IMPG1: variants seen among roughly 807,000 people sequenced by gnomAD.
The protein encoded by IMPG1 is interphotoreceptor matrix proteoglycan of 150 kDa.
IMPG1 carries 85 observed loss-of-function variants against 92.0 expected under a neutral mutation model. That is an observed-to-expected ratio of 0.92 (90% CI 0.78 to 1.11). The LOEUF is 1.11. IMPG1 is among the 50% of genes least tolerant of loss of function. The pLI is 0.00. For synonymous variants in IMPG1, 367 were observed against 334.1 expected (o/e 1.10, Z -1.08); for missense variants, 1,022 against 956.0 (o/e 1.07, Z -0.91).
At chr6:75,966,268 A>C (rs1782306630) in intron 12 of IMPG1, among the ~76,000 whole-genome samples, 1 of 152,228 alleles carries the variant, frequency 6.6e-6, no homozygotes, top group South Asian at 2.1e-4. Flanking sequence ...ATTTATTAAA[A>C]AACATTATTA....
chr6:76,031,290 C>A (rs1205731060), intron 4 of IMPG1, among the ~76,000 whole-genome samples: 1 of 152,146 alleles, frequency 6.6e-6, no homozygotes. Context: ...TTCTGTGGCT[C>A]ATGATGATGG....
At chr6:75,999,857 A>G (rs148060196) in intron 12 of IMPG1, among the ~76,000 whole-genome samples, 4 of 152,390 alleles carry the variant, frequency 2.6e-5, no homozygotes, top group Non-Finnish European at 5.9e-5. Context: ...ATTCCTCTAA[A>G]TAATGCAAAA....
rs546559871 is a variant in IMPG1 at position 76,069,424 on chromosome 6, G to A, written c.67+2998C>T. 3.9e-5 allele frequency among the ~76,000 whole-genome samples: 6 copies of A among 152,094 alleles called. No homozygotes were observed. In the South Asian group the frequency reaches 1.2e-3, roughly 32 times the overall value. On this transcript the variant is annotated intron_variant, in intron 1 of 16. Coordinates refer to ENST00000369950, the MANE Select transcript of IMPG1 (RefSeq NM_001563.4). ...GTGCACAGTAAAAGAAATATTCAAC[G>A]GAGTAAATAGATATCACACAAAATG...
At chr6:75,955,615 G>A (rs1470714450) in intron 12 of IMPG1, among the ~76,000 whole-genome samples, 1 of 152,000 alleles carries the variant, frequency 6.6e-6, no homozygotes, top group Non-Finnish European at 1.5e-5. Context: ...TGATTGCCCT[G>A]GCCAGAACTT....
chr6:76,067,807 G>A (rs1575855), intron 1 of IMPG1, among the ~76,000 whole-genome samples: 44 of 151,956 alleles, frequency 2.9e-4, no homozygotes, highest in African/African-American at 9.7e-4. Flanking sequence ...GTAACAAATC[G>A]AATCCAACAG....
At chr6:75,925,996 G>A (rs979492061) in intron 15 of IMPG1, among the ~76,000 whole-genome samples, 6 of 152,104 alleles carry the variant, frequency 3.9e-5, no homozygotes, top group Non-Finnish European at 7.4e-5. Flanking sequence ...AGGAAGTTGA[G>A]TAACAAGTTC....
chr6:75,996,525 G>C lies in IMPG1; in HGVS notation c.1291+6393C>G, dbSNP rs369803066. 3.0e-4 allele frequency among the ~76,000 whole-genome samples: 46 copies of C among 152,294 alleles called. 1 individual carries two copies. The highest frequency in any genetic ancestry group is 1.0e-3 in the African/African-American group (42 of 41,564). On this transcript the variant is annotated intron_variant, in intron 12 of 16. Transcript: ENST00000369950. ...TATAATGTTGGAAAGAGATTAAACAGATCACTACTCTTCATAAAAACTGGA... is the reference window on the plus strand; with the variant it reads ...TATAATGTTGGAAAGAGATTAAACACATCACTACTCTTCATAAAAACTGGA...
intron 1 of IMPG1, among the ~76,000 whole-genome samples, chr6:76,070,947 C>T (rs937597601): frequency 6.6e-6 from 1 of 151,842 alleles, no homozygotes; most frequent in African/African-American, 2.4e-5. Context: ...CAAAACTGCA[C>T]TTGTACTCCC....
intron 13 of IMPG1, among the ~76,000 whole-genome samples, chr6:75,948,513 G>T (rs1364844903): frequency 1.3e-5 from 2 of 152,074 alleles, no homozygotes; most frequent in Non-Finnish European, 2.9e-5. Context: ...CCCACATTCT[G>T]TTACTTCCCT....
At position 76,043,308 on chromosome 6, in the gene IMPG1, G is replaced by T. The variant is rs558676844; in HGVS notation, c.68-1182C>A. Among the ~76,000 whole-genome samples, 53 of 152,192 alleles carry T rather than the reference G, an allele frequency of 3.5e-4. 1 individual carries two copies. The South Asian group carries it at 0.011, about 30-fold the overall frequency. ...TTATAATCCCATTTTACTAGGGAAG[G>T]CTCTCAAACCCATATCTTCTGAAAT... On this transcript the variant is annotated intron_variant, in intron 1 of 16. Coordinates refer to ENST00000369950, the MANE Select transcript of IMPG1 (RefSeq NM_001563.4).
At chr6:75,987,155 A>G (rs1172467920) in intron 12 of IMPG1, among the ~76,000 whole-genome samples, 1 of 152,080 alleles carries the variant, frequency 6.6e-6, no homozygotes, top group African/African-American at 2.4e-5. Context: ...CTCTTTGCCT[A>G]AGAAAGAAAA....
intron 12 of IMPG1, among the ~76,000 whole-genome samples, chr6:75,978,111 A>G (rs538660398): frequency 1.6e-4 from 25 of 152,122 alleles, no homozygotes; most frequent in Non-Finnish European, 3.2e-4. Context: ...GTTTTAGTAA[A>G]TATTATAAAT....
At chr6:76,061,206 T>C (rs934609931) in intron 1 of IMPG1, among the ~76,000 whole-genome samples, 4 of 152,186 alleles carry the variant, frequency 2.6e-5, no homozygotes, top group African/African-American at 7.2e-5. Flanking sequence ...AGCAAATATA[T>C]AATCTAATAA....
chr6:76,027,474 A>G (rs1783568225), intron 4 of IMPG1, among the ~76,000 whole-genome samples: 1 of 152,224 alleles, frequency 6.6e-6, no homozygotes, highest in Admixed American at 6.5e-5. Context: ...ATTTACATGT[A>G]AGGGGTGTAA....
chr6:75,945,720 C>G (rs1781915913), intron 14 of IMPG1, among the ~76,000 whole-genome samples: 2 of 152,296 alleles, frequency 1.3e-5, no homozygotes, highest in Middle Eastern at 3.4e-3. Flanking sequence ...ACATTTAGGG[C>G]TGGGGATCCC....
chr6:76,014,457 T>C (rs1021570875), intron 7 of IMPG1, among the ~76,000 whole-genome samples: 1 of 151,900 alleles, frequency 6.6e-6, no homozygotes, highest in South Asian at 2.1e-4. Flanking sequence ...ATCTAGGAGG[T>C]TGGGTTCTGC....
chr6:75,949,154 A>G (rs2149456910), intron 13 of IMPG1, among the ~76,000 whole-genome samples: 1 of 152,330 alleles, frequency 6.6e-6, no homozygotes, highest in African/African-American at 2.4e-5. Context: ...GTGAACCAGC[A>G]CAACTCCATC....
In IMPG1 at chr6:75,947,263, T is replaced by A. The variant is rs201889175; in HGVS notation, c.2044+51A>T. The A allele has an allele frequency of 8.1e-5, 90 of 1,106,568 alleles. 1 individual carries two copies. Among genetic ancestry groups the A allele is most frequent in the Admixed American group, 1.4e-4 (5 of 36,984 alleles). 68.5% of individuals were successfully genotyped at this position (1,106,568 alleles called of 1,614,324 possible). A position where few individuals can be genotyped will look rare whatever the true frequency, so the allele number is the denominator to read the frequency against. On this transcript the variant is annotated intron_variant, in intron 14 of 16. Transcript: ENST00000369950. Reference sequence around the variant, plus strand: ...CGTGTGCTTAAAAACAGAACGAAATTAAAAAAATGAACAAAACATCTCTAC... The same window carrying A: ...CGTGTGCTTAAAAACAGAACGAAATAAAAAAAATGAACAAAACATCTCTAC...
chr6:76,018,656 C>T, intron 7 of IMPG1, 62 bp downstream of exon 7: 1 of 1,502,364 alleles, frequency 6.7e-7, no homozygotes, highest in East Asian at 2.3e-5. Context: ...GGTTTATGTC[C>T]TATCGGCTCC....
Sources: allele counts gnomAD v4.1 joint callset (sites outside exome capture counted in the v4.1 genomes callset), GRCh38; gene constraint gnomAD v4.1.1; transcripts MANE v1.5; gene names NCBI Gene and HGNC (gene_info 2026-07-23, HGNC 2026-07-21).